The following TUB variants were observed in gnomAD, a reference collection of about 807,000 sequenced individuals.
The protein encoded by TUB is TUB bipartite transcription factor.
A neutral mutation model predicts 59.7 loss-of-function variants in TUB; 33 were observed. The observed-to-expected ratio is 0.55, with a 90% CI of 0.42 to 0.74. The LOEUF is 0.74. Ranked by LOEUF, TUB falls within the 30% of genes least tolerant of loss-of-function variation. TUB has a pLI of 0.00. For missense variants in TUB, 659 were observed against 672.0 expected (o/e 0.98, Z 0.21); for synonymous variants, 293 against 256.4 (o/e 1.14, Z -1.36).
chr11:8,050,878 T>C (rs1230405686), intron 2 of TUB, among the ~76,000 whole-genome samples: 2 of 152,208 alleles, frequency 1.3e-5, no homozygotes, highest in Non-Finnish European at 2.9e-5. Context: ...TTGCATCCTT[T>C]TGAGGGATGT....
chr11:8,048,196 G>T (rs1193938317), intron 2 of TUB, among the ~76,000 whole-genome samples: 1 of 152,164 alleles, frequency 6.6e-6, no homozygotes, highest in East Asian at 1.9e-4. Context: ...TATGAGGTGA[G>T]TACTGTTATC....
intron 2 of TUB, chr11:8,068,095 C>A (rs1266396498): frequency 6.6e-6 from 1 of 152,240 alleles, no homozygotes; most frequent in African/African-American, 2.4e-5. Context: ...CCCTAAAAAC[C>A]ATTCCACTTG....
chr11:8,030,952 C>G (rs997770086), intron 1 of TUB, among the ~76,000 whole-genome samples: 1 of 152,234 alleles, frequency 6.6e-6, no homozygotes, highest in Non-Finnish European at 1.5e-5. Context: ...CTGACACCAG[C>G]CCCTCTTTCC....
chr11:8,045,409 C>T (rs1020183696), intron 2 of TUB, among the ~76,000 whole-genome samples: 1 of 152,118 alleles, frequency 6.6e-6, no homozygotes, highest in African/African-American at 2.4e-5. Context: ...TTTTGAATGC[C>T]TGGGTAATTT....
At chr11:8,080,226 A>C (rs1943521559), upstream of TUB, among the ~76,000 whole-genome samples, 1 of 152,224 alleles carries the variant, frequency 6.6e-6, no homozygotes, top group African/African-American at 2.4e-5. Flanking sequence ...TCCAGGATGC[A>C]CACGAGGACG....
In TUB at chr11:8,104,859, CTATAAGAGAACT is replaced by C. The variant is rs1387168251; in HGVS notation, c.*3242_*3253del. The C allele has an allele frequency of 6.6e-6, 1 of 151,354 alleles. No homozygotes were observed. The highest frequency in any genetic ancestry group is 2.4e-5 in the African/African-American group (1 of 41,170). The allele number at this position is 151,354 out of a possible 1,614,324, so 9.4% of individuals were successfully genotyped here. A position where few individuals can be genotyped will look rare whatever the true frequency, so the allele number is the denominator to read the frequency against. On this transcript the variant is annotated 3_prime_UTR_variant, in exon 12 of 12. Transcript: ENST00000299506. ...AAGCCAGGACTGTGATAATCAGAAG[CTATAAGAGAACT>C]TTCGGAGCCTGCCTCCTTCAGTGAC... is the stretch of plus-strand genomic sequence containing the variant.
chr11:8,085,716 C>A (rs1943653217), intron 1 of TUB, among the ~76,000 whole-genome samples: 1 of 152,146 alleles, frequency 6.6e-6, no homozygotes, highest in Non-Finnish European at 1.5e-5. Flanking sequence ...TGGGTCTGTC[C>A]CTAGATTCCC....
intron 2 of TUB, among the ~76,000 whole-genome samples, chr11:8,053,582 G>T (rs1589935267): frequency 6.6e-6 from 1 of 151,536 alleles, no homozygotes; most frequent in East Asian, 2.0e-4. Flanking sequence ...CTCACTGCAA[G>T]CTCCGCCTCC....
chr11:8,101,373 C>T, intron 11 of TUB, 113 bp from the exon 12 acceptor site: 1 of 1,363,858 alleles, frequency 7.3e-7, no homozygotes, highest in Non-Finnish European at 1.0e-6. Flanking sequence ...CCCCTGGCAT[C>T]TCTGCTTCTC....
intron 2 of TUB, among the ~76,000 whole-genome samples, chr11:8,050,880 G>A (rs1420178961): frequency 1.3e-5 from 2 of 152,110 alleles, no homozygotes; most frequent in Non-Finnish European, 2.9e-5. Context: ...GCATCCTTTT[G>A]AGGGATGTAA....
intron 1 of TUB, among the ~76,000 whole-genome samples, chr11:8,023,778 C>T (rs1942464019): frequency 6.6e-6 from 1 of 152,178 alleles, no homozygotes; most frequent in Admixed American, 6.5e-5. Flanking sequence ...AGGAAAAGAT[C>T]TATGTAAAAT....
At chr11:8,069,234 C>A (rs1943309160) in intron 2 of TUB, 1 of 152,196 alleles carries the variant, frequency 6.6e-6, no homozygotes, top group Non-Finnish European at 1.5e-5. Context: ...ACACAAACCA[C>A]CTACTACAAT....
chr11:8,072,813 T>C (rs1943382839), intron 2 of TUB, among the ~76,000 whole-genome samples: 1 of 152,194 alleles, frequency 6.6e-6, no homozygotes, highest in Non-Finnish European at 1.5e-5. Flanking sequence ...TCTTGTGTGT[T>C]TTCACAGCTG....
chr11:8,098,730 C>T (rs370681895), intron 8 of TUB, 28 bp from the exon 9 acceptor site: 148 of 1,544,056 alleles, frequency 9.6e-5, no homozygotes, highest in Admixed American at 2.3e-4. Flanking sequence ...GGGTGCATGA[C>T]TCTATACTGA....
intron 1 of TUB, among the ~76,000 whole-genome samples, chr11:8,086,585 A>G (rs1943670558): frequency 6.6e-6 from 1 of 152,128 alleles, no homozygotes; most frequent in Non-Finnish European, 1.5e-5. Flanking sequence ...CTGCTAGGTA[A>G]TCGTGGTCCC....
upstream of TUB, among the ~76,000 whole-genome samples, chr11:8,078,245 A>G (rs755183453): frequency 6.6e-5 from 10 of 152,054 alleles, no homozygotes; most frequent in Non-Finnish European, 1.2e-4. Context: ...TTTCATCACC[A>G]CGTTTGAAAA....
At chr11:8,080,313 C>G (rs1943524328), upstream of TUB, among the ~76,000 whole-genome samples, 1 of 152,242 alleles carries the variant, frequency 6.6e-6, no homozygotes, top group Non-Finnish European at 1.5e-5. Context: ...GCCTTGGTGA[C>G]CCCTCAGCCT....
upstream of TUB, among the ~76,000 whole-genome samples, chr11:8,036,955 G>A (rs1306862507): frequency 6.6e-6 from 1 of 152,180 alleles, no homozygotes; most frequent in East Asian, 1.9e-4. Context: ...GAGAGCTTTG[G>A]CAGGAAGGAA....
Position 8,059,444 on chromosome 11 carries a change from G to T in TUB, c.203+19752G>T, listed in dbSNP as rs575045631. On this transcript the variant is annotated intron_variant, in intron 2 of 12. Transcript: ENST00000305253. ...AGTGCCTCTCGACATTTAGTGTGCA[G>T]CATCCACAGATTTGTGTTAAAAATG... 5.3e-5 allele frequency among the ~76,000 whole-genome samples: 8 copies of T among 152,312 alleles called. No individual in the cohort carries two copies. The South Asian group carries it at 1.2e-3, about 24-fold the overall frequency.
Sources: allele counts gnomAD v4.1 joint callset (sites outside exome capture counted in the v4.1 genomes callset), GRCh38; gene constraint gnomAD v4.1.1; transcripts MANE v1.5; gene names NCBI Gene and HGNC (gene_info 2026-07-23, HGNC 2026-07-21).